Variants in VDAC1 observed in about 807,000 individuals in gnomAD.
VDAC1 encodes the protein voltage dependent anion channel 1, also known as non-selective voltage-gated ion channel VDAC1.
In VDAC1, 10 loss-of-function variants were observed where a neutral mutation model predicts 34.7. The ratio of observed to expected loss-of-function variants is 0.29; its 90% confidence interval spans 0.18 to 0.49. VDAC1 has a LOEUF of 0.49. VDAC1 is among the 20% of genes least tolerant of loss of function. VDAC1 has a pLI of 0.99. For missense variants in VDAC1, 230 were observed against 347.9 expected, an observed-to-expected ratio of 0.66 and a Z score of 2.69; for synonymous variants, 130 against 136.0, an observed-to-expected ratio of 0.96 and a Z score of 0.30.
the VDAC1 span, among the ~76,000 whole-genome samples, chr5:134,072,258 C>T: frequency 1.3e-5 from 2 of 152,128 alleles, no homozygotes; most frequent in South Asian, 2.1e-4. Flanking sequence ...GGACTTTATA[C>T]GTTACCCAAC....
chr5:134,072,031 C>A, the VDAC1 span, among the ~76,000 whole-genome samples: 1 of 152,092 alleles, frequency 6.6e-6, no homozygotes. Context: ...GGAATCCAGT[C>A]CCCCACAGCA....
the VDAC1 span, among the ~76,000 whole-genome samples, chr5:134,114,263 C>T: frequency 6.6e-6 from 1 of 152,186 alleles, no homozygotes; most frequent in African/African-American, 2.4e-5. Context: ...AGCACAGCCT[C>T]AAGCAGCCTC....
At chr5:134,040,706 G>A in the VDAC1 span, among the ~76,000 whole-genome samples, 7 of 152,188 alleles carry the variant, frequency 4.6e-5, no homozygotes, top group South Asian at 4.1e-4. Context: ...CAGCCTGGGC[G>A]ACAGAGCGAG....
chr5:134,109,912 C>T, the VDAC1 span, among the ~76,000 whole-genome samples: 2 of 152,200 alleles, frequency 1.3e-5, no homozygotes, highest in African/African-American at 2.4e-5. Context: ...CTGGCACTCC[C>T]GACCCCTTGG....
chr5:134,092,118 C>T, the VDAC1 span, among the ~76,000 whole-genome samples: 1 of 152,230 alleles, frequency 6.6e-6, no homozygotes, highest in Non-Finnish European at 1.5e-5. Context: ...TTGTGATTAA[C>T]TCACATAGTT....
chr5:134,009,247 C>CTT (rs869155174), upstream of VDAC1, among the ~76,000 whole-genome samples: 431 of 87,068 alleles, frequency 5.0e-3, 56 homozygotes, highest in African/African-American at 0.015. Flanking sequence ...TTTATCAATT[C>CTT]TTTTTTTTTT....
the VDAC1 span, among the ~76,000 whole-genome samples, chr5:134,063,886 G>A: frequency 2.6e-5 from 4 of 152,010 alleles, no homozygotes; most frequent in Admixed American, 6.6e-5. Flanking sequence ...AGACTGAAGT[G>A]CAGTAGCACA....
the VDAC1 span, among the ~76,000 whole-genome samples, chr5:134,039,250 T>G: frequency 6.6e-6 from 1 of 152,206 alleles, no homozygotes; most frequent in Non-Finnish European, 1.5e-5. Flanking sequence ...AGAGCCCTAA[T>G]AAATACTGAT....
chr5:134,057,493 TTATATC>T, the VDAC1 span, among the ~76,000 whole-genome samples: 54,831 of 133,948 alleles, frequency 0.41, 11,558 homozygotes, highest in Non-Finnish European at 0.47. Context: ...AAAAAAAAAT[TTATATC>T]TATATCTATA....
Position 133,980,681 on chromosome 5 carries a change from A to G in VDAC1, c.551+48T>C, listed in dbSNP as rs200263038. 1.5e-4 allele frequency: 132 copies of G among 878,054 alleles called. 2 individuals are homozygous for G. The African/African-American group carries it at 2.1e-3, about 14-fold the overall frequency. 54.4% of individuals were successfully genotyped at this position (878,054 alleles called of 1,614,324 possible). A position where few individuals can be genotyped will look rare whatever the true frequency, so the allele number is the denominator to read the frequency against. ...GTGAAAAGCAATCCCCTTACCACAC[A>G]TGCTCCAACCCCACCCCTCCCACCC... On this transcript the variant is annotated intron_variant, in intron 6 of 8. Coordinates refer to ENST00000265333, the MANE Select transcript of VDAC1 (RefSeq NM_003374.3).
the VDAC1 span, among the ~76,000 whole-genome samples, chr5:134,068,750 A>G: frequency 2.0e-5 from 3 of 152,194 alleles, no homozygotes; most frequent in Non-Finnish European, 4.4e-5. Context: ...CTGGAAAATT[A>G]TTAGCTGTCA....
chr5:134,006,957 C>G (rs1580739191), upstream of VDAC1, among the ~76,000 whole-genome samples: 2 of 151,738 alleles, frequency 1.3e-5, no homozygotes, highest in African/African-American at 4.8e-5. Context: ...AAAGAGTAGG[C>G]ACTCGGCCCC....
chr5:134,093,953 G>C, the VDAC1 span, among the ~76,000 whole-genome samples: 2 of 152,228 alleles, frequency 1.3e-5, no homozygotes, highest in African/African-American at 4.8e-5. Flanking sequence ...CCCCAGCTGT[G>C]AGTCTCCTGT....
At chr5:134,095,587 C>G in the VDAC1 span, among the ~76,000 whole-genome samples, 1 of 152,168 alleles carries the variant, frequency 6.6e-6, no homozygotes, top group Non-Finnish European at 1.5e-5. Flanking sequence ...CATAGACTAT[C>G]ACAAGACTGG....
At chr5:134,011,045 G>C in the VDAC1 span, among the ~76,000 whole-genome samples, 3 of 150,712 alleles carry the variant, frequency 2.0e-5, no homozygotes, top group Non-Finnish European at 4.4e-5. Flanking sequence ...ATTGTTAGCT[G>C]TAGGCACTGT....
At chr5:134,070,656 A>AT in the VDAC1 span, among the ~76,000 whole-genome samples, 4 of 151,878 alleles carry the variant, frequency 2.6e-5, no homozygotes, top group Non-Finnish European at 4.4e-5. Flanking sequence ...GTCAAGAGCA[A>AT]TTTTTTTTGT....
chr5:134,022,966 G>A, the VDAC1 span, among the ~76,000 whole-genome samples: 12 of 152,180 alleles, frequency 7.9e-5, no homozygotes, highest in South Asian at 8.3e-4. Flanking sequence ...CTGCAATCTC[G>A]TTACTTGGTG....
At chr5:134,085,244 A>G in the VDAC1 span, among the ~76,000 whole-genome samples, 2 of 151,472 alleles carry the variant, frequency 1.3e-5, no homozygotes, top group African/African-American at 2.4e-5. Flanking sequence ...AGCTTTTTGT[A>G]TTTTTAGTAG....
the VDAC1 span, among the ~76,000 whole-genome samples, chr5:134,023,196 G>T: frequency 6.6e-6 from 1 of 152,042 alleles, no homozygotes. Flanking sequence ...GAAGGTGGAA[G>T]CCATCATTCT....
Sources: gnomAD v4.1 joint callset for allele counts (sites outside exome capture counted in the v4.1 genomes callset) on GRCh38, gnomAD v4.1.1 for gene constraint, MANE v1.5 for transcripts, NCBI Gene and HGNC (gene_info 2026-07-23, HGNC 2026-07-21) for gene names.